Variants in RIMS3 observed in about 807,000 individuals in gnomAD.
RIMS3 encodes the protein regulating synaptic membrane exocytosis protein 3.
RIMS3 carries 15 observed loss-of-function variants against 29.2 expected under a neutral mutation model. The ratio of observed to expected loss-of-function variants is 0.51; its 90% CI spans 0.34 to 0.79. RIMS3 has a LOEUF of 0.79. Ranked by LOEUF, RIMS3 falls within the 30% of genes least tolerant of loss-of-function variation. RIMS3 has a pLI of 0.01. For missense variants in RIMS3, 342 were observed against 421.4 expected, an observed-to-expected ratio of 0.81 and a Z score of 1.65; for synonymous variants, 161 against 170.1, an observed-to-expected ratio of 0.95 and a Z score of 0.41.
chr1:40,673,223 A>C, the RIMS3 span: 1 of 152,138 alleles, frequency 6.6e-6, no homozygotes, highest in South Asian at 2.1e-4. Flanking sequence ...AGACCAAGGA[A>C]TGTTTCCTAA....
the RIMS3 span, among the ~76,000 whole-genome samples, chr1:40,672,301 C>A: frequency 6.6e-6 from 1 of 150,912 alleles, no homozygotes; most frequent in Non-Finnish European, 1.5e-5. Flanking sequence ...CGGGTTCACA[C>A]CATTCTCCTG....
intron 1 of RIMS3, among the ~76,000 whole-genome samples, chr1:40,664,657 T>C (rs2148365164): frequency 6.6e-6 from 1 of 152,228 alleles, no homozygotes; most frequent in African/African-American, 2.4e-5. Context: ...CATTCCAGGA[T>C]CCTTCCTGAG....
chr1:40,662,096 A>G (rs768097376), intron 1 of RIMS3, among the ~76,000 whole-genome samples: 1 of 152,152 alleles, frequency 6.6e-6, no homozygotes, highest in Non-Finnish European at 1.5e-5. Flanking sequence ...ATTCTGGGGA[A>G]ATCTGATCTT....
rs1646426266 is a variant in RIMS3 at position 40,622,367 on chromosome 1, C to G, written c.*4150G>C. The G allele has an allele frequency of 6.6e-6, 1 of 152,418 alleles. No individual in the cohort carries two copies. Among genetic ancestry groups the G allele is most frequent in the Non-Finnish European group, 1.5e-5 (1 of 68,104 alleles). 9.4% of individuals were successfully genotyped at this position (152,418 alleles called of 1,614,324 possible). ...TCAATCATGCTTGTTTTGTTTTGCC[C>G]CAACCTCTTCTGACGTGAGTGAAAA... is the stretch of plus-strand genomic sequence containing the variant. On this transcript the variant is annotated 3_prime_UTR_variant, in exon 8 of 8. Transcript: ENST00000372684.
intron 4 of RIMS3, among the ~76,000 whole-genome samples, chr1:40,634,626 C>T (rs1429347265): frequency 1.3e-5 from 2 of 152,186 alleles, no homozygotes; most frequent in African/African-American, 2.4e-5. Flanking sequence ...GTAATACCCA[C>T]AACCCTCAGG....
chr1:40,652,536 G>A (rs1484751314), intron 1 of RIMS3, among the ~76,000 whole-genome samples: 2 of 152,194 alleles, frequency 1.3e-5, no homozygotes, highest in Non-Finnish European at 2.9e-5. Flanking sequence ...GGAGAGGAGA[G>A]GCAGAGGTGG....
chr1:40,674,140 AT>A, the RIMS3 span, among the ~76,000 whole-genome samples: 1 of 152,212 alleles, frequency 6.6e-6, no homozygotes, highest in Non-Finnish European at 1.5e-5. Context: ...TCTTCATTAT[AT>A]CATAAGCTTC....
upstream of RIMS3, among the ~76,000 whole-genome samples, chr1:40,670,297 T>A (rs757968280): frequency 1.6e-4 from 25 of 151,912 alleles, no homozygotes; most frequent in Middle Eastern, 3.4e-3. Context: ...TAATAAAAAC[T>A]GGGTTAGATG....
At position 40,641,791 on chromosome 1, in the gene RIMS3, C is replaced by T. The variant is rs1487338519; in HGVS notation, c.135G>A (p.Arg45=). The T allele has an allele frequency of 3.1e-6, 5 of 1,613,014 alleles. No homozygotes were observed. The African/African-American group carries it at 5.3e-5, about 17-fold the overall frequency. ...GGAGTTTAKK[R]RSSLGAKMVA... ...CCATCTTGGCACCCAGGCTGCTCCG[C>T]CGCTTCTTGGCGGTGGTGGTCCCAG... Residue 45 remains arginine (R), a synonymous_variant, in exon 3 of 8, where the codon CGG becomes CGA. Transcript: ENST00000372684.
chr1:40,635,986 T>C lies in RIMS3; in HGVS notation c.289A>G (p.Ser97Gly), dbSNP rs1476236231. The C allele has an allele frequency of 1.2e-6, 2 of 1,610,620 alleles. No individual in the cohort carries two copies. The highest frequency in any genetic ancestry group is 1.7e-6 in the Non-Finnish European group (2 of 1,179,964). The change falls in exon 4 of 8, where the codon AGC becomes GGC. Residue 97 changes from serine (S) to glycine (G), a missense_variant. Coordinates refer to ENST00000372684, the MANE Select transcript of RIMS3 (RefSeq NM_014747.3). The surrounding 1 kb of genome is among the most constrained non-coding windows in gnomAD (Gnocchi z 4.1). Reference sequence around the variant, plus strand: ...CGGCTGCCCTGGCGTGTGACCCGGCTCCGCATCTCCACCGCGATGCCTGTC... The same window carrying C: ...CGGCTGCCCTGGCGTGTGACCCGGCCCCGCATCTCCACCGCGATGCCTGTC... ...TETGIAVEMR[S>G]RVTRQGSRES... is the part of the protein sequence containing the mutation.
At chr1:40,684,650 T>C in the RIMS3 span, among the ~76,000 whole-genome samples, 1 of 152,338 alleles carries the variant, frequency 6.6e-6, no homozygotes, top group South Asian at 2.1e-4. Flanking sequence ...TACTTCACAA[T>C]GAGCTGTAGC....
chr1:40,687,411 GATCA>G, the RIMS3 span: 1 of 152,062 alleles, frequency 6.6e-6, no homozygotes, highest in Non-Finnish European at 1.5e-5. Flanking sequence ...AGACCAGCCT[GATCA>G]ACATAATGAA....
At chr1:40,680,345 T>A in the RIMS3 span, among the ~76,000 whole-genome samples, 2 of 151,168 alleles carry the variant, frequency 1.3e-5, no homozygotes, top group Admixed American at 6.6e-5. Context: ...TTTTTTTTTT[T>A]TTTTAAGACA....
intron 3 of RIMS3, among the ~76,000 whole-genome samples, chr1:40,637,542 C>T (rs1646528861): frequency 1.3e-5 from 2 of 151,652 alleles, no homozygotes; most frequent in South Asian, 4.2e-4. Flanking sequence ...ATTTTTTTCA[C>T]AAAGAGAGGC....
In RIMS3 at chr1:40,623,367, T is replaced by C; in HGVS notation, c.*3150A>G. On this transcript the variant is annotated 3_prime_UTR_variant, in exon 8 of 8. Coordinates refer to ENST00000372684, the MANE Select transcript of RIMS3 (RefSeq NM_014747.3). ...AAAAACCCATTGCAGGGAAAAGGAG[T>C]CTATGAAGAAAGTGGGACAGAATGA... 2.5e-6 allele frequency: 1 copy of C among 397,768 alleles called. No individual in the cohort carries two copies. Among genetic ancestry groups the C allele is most frequent in the Non-Finnish European group, 4.4e-6 (1 of 225,908 alleles). 24.6% of individuals were successfully genotyped at this position (397,768 alleles called of 1,614,324 possible). A position where few individuals can be genotyped will look rare whatever the true frequency, so the allele number is the denominator to read the frequency against.
At chr1:40,682,587 C>T in the RIMS3 span, among the ~76,000 whole-genome samples, 1 of 151,894 alleles carries the variant, frequency 6.6e-6, no homozygotes, top group Non-Finnish European at 1.5e-5. Flanking sequence ...GCCTGGAGTC[C>T]CCCTCCAGAG....
the RIMS3 span, among the ~76,000 whole-genome samples, chr1:40,676,358 T>A: frequency 2.0e-5 from 3 of 152,294 alleles, no homozygotes; most frequent in East Asian, 5.8e-4. Context: ...CAGTATTAGT[T>A]ACAGAGTGCC....
intron 1 of RIMS3, among the ~76,000 whole-genome samples, chr1:40,660,563 A>C (rs1354086200): frequency 1.3e-5 from 2 of 151,478 alleles, no homozygotes; most frequent in Admixed American, 1.3e-4. Flanking sequence ...TTTTTTTTGT[A>C]GAGATGGGGT....
the RIMS3 span, among the ~76,000 whole-genome samples, chr1:40,677,786 A>G: frequency 1.3e-5 from 2 of 152,128 alleles, no homozygotes; most frequent in African/African-American, 4.8e-5. Context: ...GCCCAACCCT[A>G]TTTTGCACAC....
Sources: allele counts gnomAD v4.1 joint callset (sites outside exome capture counted in the v4.1 genomes callset), GRCh38; gene constraint gnomAD v4.1.1; non-coding constraint Gnocchi (gnomAD v3.1); transcripts MANE v1.5; gene names NCBI Gene and HGNC (gene_info 2026-07-23, HGNC 2026-07-21).